The following SLC2A9 variants were observed in gnomAD, a reference collection of about 807,000 sequenced individuals.
SLC2A9 encodes solute carrier family 2 member 9.
In SLC2A9, 39 loss-of-function variants were observed where a neutral mutation model predicts 50.6. That is an observed-to-expected ratio of 0.77 (90% CI 0.60 to 1.01). The LOEUF is 1.01. Among genes scored for constraint, SLC2A9 ranks in the 50% least tolerant of loss-of-function variants. SLC2A9 has a pLI of 0.00. For synonymous variants in SLC2A9, 324 were observed against 276.9 expected, an observed-to-expected ratio of 1.17 and a Z score of -1.69; for missense variants, 686 against 677.6, an observed-to-expected ratio of 1.01 and a Z score of -0.14.
At chr4:10,012,648 G>A (rs906079166) in intron 2 of SLC2A9, among the ~76,000 whole-genome samples, 1 of 152,216 alleles carries the variant, frequency 6.6e-6, no homozygotes, top group African/African-American at 2.4e-5. Flanking sequence ...GGGGACGTCT[G>A]AGCAGAGGCA....
intron 6 of SLC2A9, among the ~76,000 whole-genome samples, chr4:9,922,430 C>G (rs1354802682): frequency 6.6e-6 from 1 of 151,894 alleles, no homozygotes. Context: ...GCATGTTGAC[C>G]TATGTAACAA....
intron 5 of SLC2A9, among the ~76,000 whole-genome samples, chr4:9,947,532 G>A (rs957383970): frequency 6.6e-6 from 1 of 152,142 alleles, no homozygotes; most frequent in Non-Finnish European, 1.5e-5. Context: ...CATATTGTAT[G>A]ACCTTTCTGA....
chr4:9,781,760 G>T (rs1469718352), intron 3 of SLC2A9: 2 of 396,216 alleles, frequency 5.0e-6, no homozygotes, highest in Non-Finnish European at 8.9e-6. Context: ...CCCGAGAACA[G>T]CCCTGGCTGT....
chr4:9,996,854 T>C lies in SLC2A9; in HGVS notation c.337A>G (p.Thr113Ala). The change falls in exon 3 of 12, where the codon ACT (threonine) becomes GCT (alanine). Residue 113 changes from threonine (T) to alanine (A), a missense_variant. Thr to Ala is a moderately conservative substitution (Grantham distance 58, BLOSUM62 0). Transcript: ENST00000264784. The part of the protein sequence containing the change: ...PDTLTLLWSV[T>A]VSIFAIGGLV... ...CCACCGATGGCGAATATGGACACAGTCACAGACCAGAGCAAAGTCAGAGTG... is the reference window on the plus strand; with the variant it reads ...CCACCGATGGCGAATATGGACACAGCCACAGACCAGAGCAAAGTCAGAGTG... 1 of 1,614,204 alleles carries C rather than the reference T, an allele frequency of 6.2e-7. No homozygotes were observed. The highest frequency in any genetic ancestry group is 8.5e-7 in the Non-Finnish European group (1 of 1,180,022).
intron 3 of SLC2A9, among the ~76,000 whole-genome samples, chr4:9,811,513 A>G (rs1722890224): frequency 6.6e-6 from 1 of 152,196 alleles, no homozygotes; most frequent in Non-Finnish European, 1.5e-5. Flanking sequence ...GAGAAGAGAA[A>G]GAGGGAGAGA....
intron 10 of SLC2A9, among the ~76,000 whole-genome samples, chr4:9,850,906 G>T (rs899045102): frequency 7.9e-5 from 12 of 152,078 alleles, no homozygotes; most frequent in African/African-American, 2.9e-4. Context: ...ATGGACACTG[G>T]CAACCCTGCC....
At chr4:9,863,532 G>A (rs917809855) in intron 10 of SLC2A9, among the ~76,000 whole-genome samples, 21 of 152,070 alleles carry the variant, frequency 1.4e-4, no homozygotes, top group African/African-American at 5.1e-4. Flanking sequence ...AGAAAATCCT[G>A]CATTAAAGCA....
At chr4:9,805,511 C>G (rs1721998959) in intron 3 of SLC2A9, among the ~76,000 whole-genome samples, 1 of 152,090 alleles carries the variant, frequency 6.6e-6, no homozygotes, top group African/African-American at 2.4e-5. Context: ...CCACCCTGGG[C>G]AACATGGTGA....
chr4:9,885,444 C>T (rs1177080681), intron 10 of SLC2A9, among the ~76,000 whole-genome samples: 1 of 152,214 alleles, frequency 6.6e-6, no homozygotes, highest in East Asian at 1.9e-4. Flanking sequence ...GCTGCCTCTT[C>T]CCTGGAGCTC....
intron 5 of SLC2A9, among the ~76,000 whole-genome samples, chr4:9,944,579 G>T (rs1748767742): frequency 6.6e-6 from 1 of 152,200 alleles, no homozygotes; most frequent in Non-Finnish European, 1.5e-5. Flanking sequence ...CCCGGATTGG[G>T]ATGCCAACAT....
intron 10 of SLC2A9, among the ~76,000 whole-genome samples, chr4:9,851,782 A>G (rs1174148083): frequency 1.3e-5 from 2 of 152,228 alleles, no homozygotes; most frequent in African/African-American, 2.4e-5. Flanking sequence ...ATATAATCAC[A>G]AGTACTAGCA....
intron 4 of SLC2A9, among the ~76,000 whole-genome samples, chr4:9,982,154 A>C (rs977395197): frequency 6.6e-6 from 1 of 152,258 alleles, no homozygotes; most frequent in Non-Finnish European, 1.5e-5. Context: ...TGTTAGGATT[A>C]CAGGCGTGAG....
At chr4:9,953,434 G>A (rs1750665608) in intron 5 of SLC2A9, among the ~76,000 whole-genome samples, 1 of 152,246 alleles carries the variant, frequency 6.6e-6, no homozygotes, top group Admixed American at 6.5e-5. Flanking sequence ...ATCTGAGTTT[G>A]AGTCCTCTCC....
chr4:9,773,342 T>C (rs1054489523), intron 1 of SLC2A9, among the ~76,000 whole-genome samples: 2 of 152,204 alleles, frequency 1.3e-5, no homozygotes, highest in African/African-American at 4.8e-5. Flanking sequence ...GCTTGTATCC[T>C]GTAGCTACAG....
At chr4:9,978,232 G>A (rs1295400060) in intron 5 of SLC2A9, among the ~76,000 whole-genome samples, 1 of 152,144 alleles carries the variant, frequency 6.6e-6, no homozygotes, top group African/African-American at 2.4e-5. Context: ...GAAAGACGTG[G>A]GCTGTACCTG....
chr4:9,774,767 GTTC>G (rs1379857994), intron 1 of SLC2A9, among the ~76,000 whole-genome samples: 9 of 147,904 alleles, frequency 6.1e-5, no homozygotes, highest in Non-Finnish European at 1.0e-4. Flanking sequence ...CCTTCCCTCC[GTTC>G]TTCTTTTTCC....
chr4:9,884,254 C>T (rs1039722728), intron 10 of SLC2A9, among the ~76,000 whole-genome samples: 1 of 152,160 alleles, frequency 6.6e-6, no homozygotes, highest in Non-Finnish European at 1.5e-5. Flanking sequence ...TGCTCAGGAG[C>T]ATGTTACTTT....
chr4:9,937,634 T>A (rs1180695202), intron 6 of SLC2A9, among the ~76,000 whole-genome samples: 1 of 151,998 alleles, frequency 6.6e-6, no homozygotes, highest in Non-Finnish European at 1.5e-5. Context: ...GATGGGGACA[T>A]CTTTATCATT....
chr4:9,957,651 C>T (rs10001964), intron 5 of SLC2A9, among the ~76,000 whole-genome samples: 72,023 of 151,842 alleles, frequency 0.47, 18,194 homozygotes, highest in African/African-American at 0.64. Flanking sequence ...GTAAAATGAA[C>T]GGGGACAGGG....
Sources: gnomAD v4.1 joint callset for allele counts (sites outside exome capture counted in the v4.1 genomes callset) on GRCh38, gnomAD v4.1.1 for gene constraint, MANE v1.5 for transcripts, NCBI Gene and HGNC (gene_info 2026-07-23, HGNC 2026-07-21) for gene names.